Variants in PPM1A observed in about 807,000 individuals in gnomAD.
The protein encoded by PPM1A is protein phosphatase 1A.
Under a neutral mutation model 35.0 loss-of-function variants are expected in PPM1A, and 7 were observed. The ratio of observed to expected loss-of-function variants is 0.20; its 90% CI spans 0.11 to 0.38. PPM1A has a LOEUF of 0.38. PPM1A is among the 10% of genes least tolerant of loss of function. PPM1A has a pLI of 1.00. For missense variants in PPM1A, 239 were observed against 467.8 expected (o/e 0.51, Z 4.51); for synonymous variants, 153 against 167.3 (o/e 0.91, Z 0.66).
At position 60,295,087 on chromosome 14, in the gene PPM1A, G is replaced by A. The variant is rs531259472; in HGVS notation, c.*2605G>A. 2.6e-5 allele frequency: 4 copies of A among 151,806 alleles called. No homozygotes were observed. Among genetic ancestry groups the A allele is most frequent in the Non-Finnish European group, 5.9e-5 (4 of 67,706 alleles). The allele number at this position is 151,806 out of a possible 1,614,324, so 9.4% of individuals were successfully genotyped here. A position where few individuals can be genotyped will look rare whatever the true frequency, so the allele number is the denominator to read the frequency against. ...CATCTCAGGGCAATGCCTCAAAAAT[G>A]TTTGATGTGTTCTGTTCTTTGGAGG... On this transcript the variant is annotated 3_prime_UTR_variant, in exon 6 of 6. Coordinates refer to ENST00000395076, the MANE Select transcript of PPM1A (RefSeq NM_021003.5).
rs942365556 is a variant in PPM1A, at chr14:60,293,350, A to C, written c.*868A>C. 5.3e-5 allele frequency: 8 copies of C among 152,048 alleles called. No homozygotes were observed. 9.4% of individuals were successfully genotyped at this position (152,048 alleles called of 1,614,324 possible). A position where few individuals can be genotyped will look rare whatever the true frequency, so the allele number is the denominator to read the frequency against. On this transcript the variant is annotated 3_prime_UTR_variant, in exon 6 of 6. Transcript: ENST00000395076. The surrounding 1 kb of genome is among the most constrained non-coding windows in gnomAD (Gnocchi z 4.0). ...ATCAATAAAGCTTGATTTAACAAAC[A>C]AGAAACTTAATCATGTATGTGTAAT...
chr14:60,246,116 C>T, upstream of PPM1A: 2 of 1,399,394 alleles, frequency 1.4e-6, no homozygotes, highest in Non-Finnish European at 1.9e-6. Context: ...TAGTGACTGG[C>T]TTCAGTGGAA....
intron 1 of PPM1A, among the ~76,000 whole-genome samples, chr14:60,250,053 T>TCCCCGCGCCCCCACCCGCTCGGGCGCGC (rs1428777684): frequency 1.4e-5 from 2 of 147,908 alleles, no homozygotes; most frequent in African/African-American, 5.0e-5. Flanking sequence ...GGAGGGGGCG[T>TCCCCGCGCCCCCACCCGCTCGGGCGCGC]CCCCGCGCCC....
rs1886663392 is a variant in PPM1A, at chr14:60,283,926, A to ATCCT, written c.834+390_834+393dup. Among the ~76,000 whole-genome samples the ATCCT allele has an allele frequency of 6.6e-6, 1 of 152,238 alleles. No homozygotes were observed. The highest frequency in any genetic ancestry group is 2.4e-5 in the African/African-American group (1 of 41,468). On this transcript the variant is annotated intron_variant, in intron 2 of 5. Transcript: ENST00000395076. This position sits in a 1 kb window ranked among gnomAD's most constrained non-coding sequence, Gnocchi z 6.3. ...TGTGATATCTCAGTACATTTATGAT[A>ATCCT]TCCTAATCCTTTGAAACTAAGGTTT...
rs1201694764 is a variant in PPM1A at position 60,289,852 on chromosome 14, G to T, written c.999G>T (p.Val333=). The T allele has an allele frequency of 2.5e-6, 4 of 1,600,636 alleles. No homozygotes were observed. The highest frequency in any genetic ancestry group is 3.4e-6 in the Non-Finnish European group (4 of 1,176,250). Residue 333 remains valine, a synonymous_variant, in exon 4 of 6, where the codon GTG becomes GTT. Coordinates refer to ENST00000395076, the MANE Select transcript of PPM1A (RefSeq NM_021003.5). The surrounding 1 kb of genome is among the most constrained non-coding windows in gnomAD (Gnocchi z 4.1). The part of the protein sequence containing the change: ...QGEGVPDLVH[V]MRTLASENIP... ...AAGGCGTCCCCGACTTAGTCCATGTGATGCGCACATTAGCGAGTGAGAACA... is the reference window on the plus strand; with the variant it reads ...AAGGCGTCCCCGACTTAGTCCATGTTATGCGCACATTAGCGAGTGAGAACA...
rs114969280 is a variant in PPM1A at position 60,267,548 on chromosome 14, T to C, written c.-20-15136T>C. 3.7e-3 allele frequency among the ~76,000 whole-genome samples: 557 copies of C among 152,208 alleles called. 2 individuals carry two copies. Among genetic ancestry groups the C allele is most frequent in the African/African-American group, 0.012 (518 of 41,564 alleles). ...TTAGTGCTGTCTTTGTCAAATTTTATAGAAGGATTATGATAGGTTTGTAAA... is the reference window on the plus strand; with the variant it reads ...TTAGTGCTGTCTTTGTCAAATTTTACAGAAGGATTATGATAGGTTTGTAAA... On this transcript the variant is annotated intron_variant, in intron 1 of 5. Coordinates refer to ENST00000395076, the MANE Select transcript of PPM1A (RefSeq NM_021003.5).
In PPM1A at chr14:60,283,547, CT is replaced by C; in HGVS notation, c.834+17del. 2.5e-6 allele frequency: 4 copies of C among 1,586,394 alleles called. No individual in the cohort carries two copies. On this transcript the variant is annotated intron_variant, in intron 2 of 5. Transcript: ENST00000395076. This position sits in a 1 kb window ranked among gnomAD's most constrained non-coding sequence, Gnocchi z 6.3. ...CACCTGTTTGTATAAGGTAGCTAGA[CT>C]TTTTTTAAAAACATAAAATGATTTT... is the stretch of plus-strand genomic sequence containing the variant.
intron 1 of PPM1A, among the ~76,000 whole-genome samples, chr14:60,269,655 TCTCCTACCTCAAC>T (rs755816677): frequency 3.4e-4 from 52 of 152,280 alleles, no homozygotes; most frequent in Non-Finnish European, 7.2e-4. Flanking sequence ...TTCAAGTGAT[TCTCCTACCTCAAC>T]CTCCCGAGTA....
In PPM1A at chr14:60,289,364, A is replaced by G. The variant is rs1887383851; in HGVS notation, c.953-442A>G. 6.6e-6 allele frequency among the ~76,000 whole-genome samples: 1 copy of G among 152,100 alleles called. No homozygotes were observed. Among genetic ancestry groups the G allele is most frequent in the Non-Finnish European group, 1.5e-5 (1 of 67,970 alleles). On this transcript the variant is annotated intron_variant, in intron 3 of 5. Transcript: ENST00000395076. The surrounding 1 kb of genome is among the most constrained non-coding windows in gnomAD (Gnocchi z 4.1). The stretch of plus-strand genomic sequence containing the variant: ...TAGTATATAATCTATAAATTCCCCT[A>G]TAATTAAGGGTTGTTATTTTCAAAT...
At position 60,295,986 on chromosome 14, in the gene PPM1A, T is replaced by G. The variant is rs538692938; in HGVS notation, c.*3504T>G. On this transcript the variant is annotated 3_prime_UTR_variant, in exon 6 of 6. Transcript: ENST00000395076. The stretch of plus-strand genomic sequence containing the variant: ...CTTAAGCCCATTCAGTATCCTTGAT[T>G]GCATTTATCCAACGGCCTTTATTCT... 1.8e-4 allele frequency: 27 copies of G among 151,838 alleles called. No homozygotes were observed. Among genetic ancestry groups the G allele is most frequent in the African/African-American group, 5.8e-4 (24 of 41,526 alleles). 9.4% of individuals were successfully genotyped at this position (151,838 alleles called of 1,614,324 possible). A position where few individuals can be genotyped will look rare whatever the true frequency, so the allele number is the denominator to read the frequency against.
chr14:60,284,988 TATTTA>T (rs1445233606), intron 2 of PPM1A, among the ~76,000 whole-genome samples: 1 of 152,058 alleles, frequency 6.6e-6, no homozygotes, highest in Non-Finnish European at 1.5e-5. Context: ...GATACTCAAA[TATTTA>T]ATTATAGCAT....
chr14:60,286,612 A>C (rs1595366804), intron 3 of PPM1A: 49 of 985,324 alleles, frequency 5.0e-5, no homozygotes, highest in Non-Finnish European at 5.9e-5. Context: ...CTCTAATCGC[A>C]TGCAAGCATT....
rs907898148 is a variant in PPM1A, at chr14:60,282,630, A to T, written c.-20-54A>T. On this transcript the variant is annotated intron_variant, in intron 1 of 5. Transcript: ENST00000395076. This position sits in a 1 kb window ranked among gnomAD's most constrained non-coding sequence, Gnocchi z 5.1. ...TCACTTATTAAAAAGATTGTTTGGT[A>T]CATATTTTGTTTATAAGACAGTTAT... 5.8e-6 allele frequency: 9 copies of T among 1,559,218 alleles called. No individual in the cohort carries two copies. The highest frequency in any genetic ancestry group is 7.8e-6 in the Non-Finnish European group (9 of 1,150,826).
rs1198896652 is a variant in PPM1A, at chr14:60,283,973, GA to G, written c.834+437del. ...GTTTAATGGTCTGTAGCACTTGAAA[GA>G]GGAATGTAGTGATCATTAGACGTGA... On this transcript the variant is annotated intron_variant, in intron 2 of 5. Coordinates refer to ENST00000395076, the MANE Select transcript of PPM1A (RefSeq NM_021003.5). This position sits in a 1 kb window ranked among gnomAD's most constrained non-coding sequence, Gnocchi z 6.3. Among the ~76,000 whole-genome samples the G allele has an allele frequency of 2.0e-5, 3 of 152,240 alleles. No homozygotes were observed. Among genetic ancestry groups the G allele is most frequent in the Admixed American group, 1.3e-4 (2 of 15,290 alleles).
At position 60,295,446 on chromosome 14, in the gene PPM1A, C is replaced by G. The variant is rs1382487133; in HGVS notation, c.*2964C>G. On this transcript the variant is annotated 3_prime_UTR_variant, in exon 6 of 6. Transcript: ENST00000395076. ...TAACTTGCTTCTAGAGTACTTAATG[C>G]AACTGCTCTAGCCACTTAATTTTTT... is the stretch of plus-strand genomic sequence containing the variant. 1 of 151,704 alleles carries G rather than the reference C, an allele frequency of 6.6e-6. No homozygotes were observed. The highest frequency in any genetic ancestry group is 1.5e-5 in the Non-Finnish European group (1 of 67,724). 9.4% of individuals were successfully genotyped at this position (151,704 alleles called of 1,614,324 possible). A position where few individuals can be genotyped will look rare whatever the true frequency, so the allele number is the denominator to read the frequency against.
At chr14:60,250,572 C>A in intron 1 of PPM1A, 1 of 307,242 alleles carries the variant, frequency 3.3e-6, no homozygotes, top group Non-Finnish European at 4.8e-6. Context: ...TGTGCTAGCC[C>A]CACCTCCCCG....
intron 2 of PPM1A, among the ~76,000 whole-genome samples, chr14:60,284,137 G>A (rs139540459): frequency 4.6e-5 from 7 of 152,270 alleles, no homozygotes; most frequent in South Asian, 2.1e-4. Context: ...GTCTCATGGC[G>A]TTGTCAGGAG....
chr14:60,263,603 G>T (rs184282805), intron 1 of PPM1A, among the ~76,000 whole-genome samples: 3 of 152,222 alleles, frequency 2.0e-5, no homozygotes, highest in African/African-American at 7.2e-5. Flanking sequence ...TGGGCTTCTA[G>T]TGTACCCATC....
At position 60,296,803 on chromosome 14, in the gene PPM1A, A is replaced by G. The variant is rs1413049171; in HGVS notation, c.*4321A>G. ...TTATTACTGATAGTCAAAATGCTCA[A>G]TAGAAATGATGAGAGGCATTGGTTC... On this transcript the variant is annotated 3_prime_UTR_variant, in exon 6 of 6. Coordinates refer to ENST00000395076, the MANE Select transcript of PPM1A (RefSeq NM_021003.5). This position sits in a 1 kb window ranked among gnomAD's most constrained non-coding sequence, Gnocchi z 4.4. The G allele has an allele frequency of 2.4e-5, 8 of 327,418 alleles. 1 individual carries two copies. The highest frequency in any genetic ancestry group is 1.2e-4 in the East Asian group (3 of 25,044). The allele number at this position is 327,418 out of a possible 1,614,324, so 20.3% of individuals were successfully genotyped here. A position where few individuals can be genotyped will look rare whatever the true frequency, so the allele number is the denominator to read the frequency against.
Sources: gnomAD v4.1 joint callset for allele counts (sites outside exome capture counted in the v4.1 genomes callset) on GRCh38, gnomAD v4.1.1 for gene constraint, Gnocchi (gnomAD v3.1) non-coding constraint, MANE v1.5 for transcripts, NCBI Gene and HGNC (gene_info 2026-07-23, HGNC 2026-07-21) for gene names.